CACNA1A: variants seen among roughly 807,000 people sequenced by gnomAD.
CACNA1A encodes calcium voltage-gated channel subunit alpha1 A.
Under a neutral mutation model 262.4 loss-of-function variants are expected in CACNA1A, and 57 were observed. The ratio of observed to expected loss-of-function variants is 0.22; its 90% CI spans 0.18 to 0.27. CACNA1A has a LOEUF of 0.27. Among genes scored for constraint, CACNA1A ranks in the 10% least tolerant of loss-of-function variants. CACNA1A has a pLI of 1.00. For missense variants in CACNA1A, 2,526 were observed against 3,562.8 expected (o/e 0.71, Z 7.41); for synonymous variants, 1,431 against 1,419.3 (o/e 1.01, Z -0.18).
chr19:13,381,870 C>T (rs1291687391), intron 3 of CACNA1A, among the ~76,000 whole-genome samples: 1 of 152,108 alleles, frequency 6.6e-6, no homozygotes, highest in African/African-American at 2.4e-5. Context: ...TGGTGCAGGG[C>T]TTTGTGGGTT....
At chr19:13,349,288 AG>A (rs751014728) in intron 6 of CACNA1A, among the ~76,000 whole-genome samples, 32 of 152,176 alleles carry the variant, frequency 2.1e-4, no homozygotes, top group South Asian at 1.0e-3. Flanking sequence ...GGCTAAAGGC[AG>A]CCCCAAATTA....
chr19:13,228,018 A>G (rs1399500614), intron 36 of CACNA1A, among the ~76,000 whole-genome samples: 3 of 149,544 alleles, frequency 2.0e-5, no homozygotes, highest in East Asian at 2.0e-4. Context: ...GGCTCAAGCA[A>G]TCCTTCTGCC....
At chr19:13,296,691 C>T (rs951024501) in intron 19 of CACNA1A, among the ~76,000 whole-genome samples, 1 of 151,078 alleles carries the variant, frequency 6.6e-6, no homozygotes, top group Non-Finnish European at 1.5e-5. Context: ...CATCCCGCTG[C>T]ATCCAAAGCT....
Position 13,206,492 on chromosome 19 carries a change from A to AATT in CACNA1A, c.*818_*820dup, listed in dbSNP as rs2054574054. 6.6e-6 allele frequency: 1 copy of AATT among 152,286 alleles called. No homozygotes were observed. Among genetic ancestry groups the AATT allele is most frequent in the Non-Finnish European group, 1.5e-5 (1 of 68,148 alleles). The allele number at this position is 152,286 out of a possible 1,614,324, so 9.4% of individuals were successfully genotyped here. A position where few individuals can be genotyped will look rare whatever the true frequency, so the allele number is the denominator to read the frequency against. ...TTTTTCTTTTTGAATGTCATGCAATAATTCACAGTCCCAAGCCCACGGTTT... is the reference window on the plus strand; with the variant it reads ...TTTTTCTTTTTGAATGTCATGCAATAATTATTCACAGTCCCAAGCCCACGGTTT... On this transcript the variant is annotated 3_prime_UTR_variant, in exon 47 of 47. Transcript: ENST00000360228.
At chr19:13,430,028 A>T (rs1353337500) in intron 3 of CACNA1A, among the ~76,000 whole-genome samples, 1 of 76,406 alleles carries the variant, frequency 1.3e-5, no homozygotes, top group Non-Finnish European at 2.5e-5. Flanking sequence ...GGGAGAGGGG[A>T]AGGGGGAGCG....
Position 13,307,102 on chromosome 19 carries a change from T to C in CACNA1A, c.1986+680A>G, listed in dbSNP as rs2057919815. ...TTCAGCTGCCCTAGTAGCTAGGAGG[T>C]ATGTATCACCATGCCCAGCTAATTA... On this transcript the variant is annotated intron_variant, in intron 15 of 46. Transcript: ENST00000360228. 1.3e-5 allele frequency among the ~76,000 whole-genome samples: 2 copies of C among 151,960 alleles called. 1 individual carries two copies. The highest frequency in any genetic ancestry group is 1.3e-4 in the Admixed American group (2 of 15,248).
chr19:13,499,207 CT>C (rs1401146150), intron 1 of CACNA1A, among the ~76,000 whole-genome samples: 1 of 151,968 alleles, frequency 6.6e-6, no homozygotes, highest in Admixed American at 6.6e-5. Context: ...AAGAGGGAAG[CT>C]AATTATATAC....
chr19:13,486,384 CTG>C (rs1479924140), intron 1 of CACNA1A, among the ~76,000 whole-genome samples: 109 of 112,184 alleles, frequency 9.7e-4, no homozygotes, highest in African/African-American at 3.6e-3. Flanking sequence ...CTCTCTCTCT[CTG>C]TCTGTCTGTC....
chr19:13,390,077 T>A (rs1028505555), intron 3 of CACNA1A, among the ~76,000 whole-genome samples: 1 of 152,032 alleles, frequency 6.6e-6, no homozygotes, highest in African/African-American at 2.4e-5. Context: ...CTTCCCAAAG[T>A]GCTGGGATTA....
chr19:13,459,796 T>C (rs2061083891), intron 1 of CACNA1A, among the ~76,000 whole-genome samples: 1 of 152,138 alleles, frequency 6.6e-6, no homozygotes, highest in South Asian at 2.1e-4. Context: ...GTGACTTCCT[T>C]TGGACCGGCT....
At chr19:13,218,930 C>T (rs1261835386) in intron 38 of CACNA1A, among the ~76,000 whole-genome samples, 1 of 152,072 alleles carries the variant, frequency 6.6e-6, no homozygotes, top group African/African-American at 2.4e-5. Context: ...GACGGGGTTT[C>T]GCCATGTTGG....
chr19:13,377,362 T>C (rs1445736001), intron 3 of CACNA1A, among the ~76,000 whole-genome samples: 1 of 151,224 alleles, frequency 6.6e-6, no homozygotes, highest in Non-Finnish European at 1.5e-5. Flanking sequence ...TTTTATGACT[T>C]CTAACACAAC....
chr19:13,403,070 C>T (rs1419184784), intron 3 of CACNA1A, among the ~76,000 whole-genome samples: 4 of 151,404 alleles, frequency 2.6e-5, no homozygotes, highest in Admixed American at 6.6e-5. Context: ...AGTGGCAGGG[C>T]CAGGACTTGA....
chr19:13,207,741 G>A lies in CACNA1A; in HGVS notation c.7093C>T (p.Pro2365Ser). The A allele has an allele frequency of 7.3e-7, 1 of 1,370,884 alleles. No individual in the cohort carries two copies. The allele number at this position is 1,370,884 out of a possible 1,614,324, so 84.9% of individuals were successfully genotyped here. A position where few individuals can be genotyped will look rare whatever the true frequency, so the allele number is the denominator to read the frequency against. Residue 2365 changes from proline to serine, a missense_variant, in exon 47 of 47, where the codon CCC (proline) becomes TCC (serine). Pro to Ser is a moderately conservative substitution (Grantham distance 74, BLOSUM62 -1). Coordinates refer to ENST00000360228, the MANE Select transcript of CACNA1A (RefSeq NM_001127222.2). This position sits in a 1 kb window ranked among gnomAD's most constrained non-coding sequence, Gnocchi z 5.7. ...PTGGHSSGRS[P>S]RMERRVPGPA... ...CCTGGGACCCGCCTCTCCATCCTGG[G>A]CGAGCGGCCGCTGCTGTGGCCCCCC...
intron 3 of CACNA1A, among the ~76,000 whole-genome samples, chr19:13,444,340 G>A (rs977158167): frequency 6.6e-6 from 1 of 152,188 alleles, no homozygotes; most frequent in African/African-American, 2.4e-5. Flanking sequence ...AATGCTGGTT[G>A]TGTTTTGTTG....
chr19:13,470,339 G>A (rs187635930), intron 1 of CACNA1A, among the ~76,000 whole-genome samples: 1 of 152,132 alleles, frequency 6.6e-6, no homozygotes, highest in East Asian at 1.9e-4. Flanking sequence ...TTCCAAAGAG[G>A]ATCACCAAAG....
Position 13,286,805 on chromosome 19 carries a change from C to T in CACNA1A, c.3251G>A (p.Ser1084Asn). Residue 1084 changes from serine (S) to asparagine (N), a missense_variant, in exon 20 of 47, where the codon AGC becomes AAC. By Grantham distance (46) the Ser-to-Asn change is conservative. Around this residue, in one of 17 missense-constraint regions of CACNA1A, gnomAD observed 765 missense variants for 748.6 expected, o/e 1.02. Transcript: ENST00000360228. ...ATAESAAPHG[S>N]LGHAGLPQSP... ...CTGGGGCAGGCCGGCGTGGCCAAGG[C>T]TGCCGTGGGGAGCGGCCGACTCCGC... The T allele has an allele frequency of 6.2e-7, 1 of 1,613,360 alleles. No individual in the cohort carries two copies. The highest frequency in any genetic ancestry group is 8.5e-7 in the Non-Finnish European group (1 of 1,179,754).
Position 13,433,460 on chromosome 19 carries a change from C to CAAAAAAAAAAAAAAAAAAAAA in CACNA1A, c.539+19395_539+19415dup, listed in dbSNP as rs533297364. On this transcript the variant is annotated intron_variant, in intron 3 of 46. Transcript: ENST00000360228. The stretch of plus-strand genomic sequence containing the variant: ...TCGGCAACAAAGCAAGACGCTGTCT[C>CAAAAAAAAAAAAAAAAAAAAA]AAAAAAAAAAAAAAAAAAAAAAAGT... Among the ~76,000 whole-genome samples the CAAAAAAAAAAAAAAAAAAAAA allele has an allele frequency of 3.1e-3, 234 of 76,168 alleles. 18 individuals carry two copies. The highest frequency in any genetic ancestry group is 8.0e-3 in the East Asian group (18 of 2,244). The allele number at this position is 76,168 out of a possible 152,430, so 50.0% of individuals were successfully genotyped here.
intron 24 of CACNA1A, chr19:13,272,020 G>A (rs1356593856): frequency 6.6e-6 from 1 of 152,234 alleles, no homozygotes; most frequent in African/African-American, 2.4e-5. Context: ...CTGACCCCAG[G>A]TGATCCATCT....
Sources: allele counts gnomAD v4.1 joint callset (sites outside exome capture counted in the v4.1 genomes callset), GRCh38; gene constraint gnomAD v4.1.1; regional missense constraint gnomAD v4.1.1; non-coding constraint Gnocchi (gnomAD v3.1); transcripts MANE v1.5; gene names NCBI Gene and HGNC (gene_info 2026-07-23, HGNC 2026-07-21).